The following SLC6A17 variants were observed in gnomAD, a reference collection of about 807,000 sequenced individuals.
SLC6A17 encodes the protein sodium-dependent neutral amino acid transporter SLC6A17.
A neutral mutation model predicts 64.5 loss-of-function variants in SLC6A17; 21 were observed. That is an observed-to-expected ratio of 0.33 (90% CI 0.23 to 0.47). The LOEUF (loss-of-function observed/expected upper bound fraction) is 0.47. Among genes scored for constraint, SLC6A17 ranks in the 20% least tolerant of loss-of-function variants. SLC6A17 has a pLI of 1.00. For missense variants in SLC6A17, 682 were observed against 963.2 expected, an observed-to-expected ratio of 0.71 and a Z score of 3.86; for synonymous variants, 372 against 399.5, an observed-to-expected ratio of 0.93 and a Z score of 0.82.
intron 6 of SLC6A17, among the ~76,000 whole-genome samples, chr1:110,191,310 G>A (rs1224962451): frequency 4.6e-5 from 7 of 152,178 alleles, no homozygotes; most frequent in African/African-American, 1.7e-4. Flanking sequence ...GTTGGAAAGG[G>A]GCTTTGGAAA....
Position 110,176,730 on chromosome 1 carries a change from C to G in SLC6A17, c.855C>G (p.Phe285Leu). 6.2e-7 allele frequency: 1 copy of G among 1,613,444 alleles called. No individual in the cohort carries two copies. Among genetic ancestry groups the G allele is most frequent in the Non-Finnish European group, 8.5e-7 (1 of 1,179,590 alleles). The change falls in exon 6 of 12, where the codon TTC becomes TTG. Residue 285 changes from phenylalanine (F) to leucine (L), a missense_variant. Physicochemically the swap from Phe to Leu is conservative, Grantham distance 22 (BLOSUM62 0). Coordinates refer to ENST00000331565, the MANE Select transcript of SLC6A17 (RefSeq NM_001010898.4). ...RGAVDGILHM[F>L]TPKLDKMLDP... ...CAGTTGATGGCATCCTACACATGTT[C>G]ACTCCCAAGGTAAGGGTTTGGGGCT...
rs1337315304 is a variant in SLC6A17, at chr1:110,200,782, T to C, written c.*2338T>C. The C allele has an allele frequency of 2.0e-5, 3 of 152,614 alleles. No individual in the cohort carries two copies. The highest frequency in any genetic ancestry group is 7.2e-5 in the African/African-American group (3 of 41,410). 9.5% of individuals were successfully genotyped at this position (152,614 alleles called of 1,614,324 possible). ...TAGGGCCTAGAGCTCGGGGTGTGTG[T>C]GTGCGTGCTGTGTGTATGGTGTGCA... On this transcript the variant is annotated 3_prime_UTR_variant, in exon 12 of 12. Coordinates refer to ENST00000331565, the MANE Select transcript of SLC6A17 (RefSeq NM_001010898.4).
At chr1:110,184,022 C>G (rs1203004418) in intron 6 of SLC6A17, among the ~76,000 whole-genome samples, 2 of 152,106 alleles carry the variant, frequency 1.3e-5, no homozygotes, top group African/African-American at 4.8e-5. Flanking sequence ...TTCCGCAACT[C>G]CAAGATAGAC....
intron 3 of SLC6A17, 54 bp from the exon 4 acceptor site, chr1:110,173,919 G>T: frequency 6.4e-7 from 1 of 1,567,634 alleles, no homozygotes. Flanking sequence ...GGAGCGTGGG[G>T]GCAGGGTGGA....
intron 1 of SLC6A17, among the ~76,000 whole-genome samples, chr1:110,164,622 G>A (rs1029793058): frequency 2.0e-5 from 3 of 152,226 alleles, no homozygotes; most frequent in African/African-American, 7.2e-5. Context: ...CCTCAGTGCG[G>A]GATGCGCATG....
intron 3 of SLC6A17, among the ~76,000 whole-genome samples, chr1:110,172,770 G>A (rs1330842461): frequency 6.6e-6 from 1 of 152,232 alleles, no homozygotes; most frequent in Non-Finnish European, 1.5e-5. Context: ...GAGACAGGGA[G>A]ACGCCAGTGG....
chr1:110,201,651 C>G lies in SLC6A17; in HGVS notation c.*3207C>G, dbSNP rs886743734. 1 of 152,386 alleles carries G rather than the reference C, an allele frequency of 6.6e-6. No homozygotes were observed. The highest frequency in any genetic ancestry group is 1.5e-5 in the Non-Finnish European group (1 of 68,216). 9.4% of individuals were successfully genotyped at this position (152,386 alleles called of 1,614,324 possible). On this transcript the variant is annotated 3_prime_UTR_variant, in exon 12 of 12. Transcript: ENST00000331565. ...TCCAGCAATACATGTGCAGGGGTTG[C>G]TGCTTTCCCAGTGCCAGGAGAACCC... is the stretch of plus-strand genomic sequence containing the variant.
rs994002772 is a variant in SLC6A17 at position 110,174,796 on chromosome 1, G to A, written c.589G>A (p.Glu197Lys). ...GSVAVVEAEC[E>K]KSSATTYFWY... ...TATTTCAGTGGTGGAGGCAGAGTGT[G>A]AAAAGAGCTCAGCCACTACCTACTT... The change falls in exon 5 of 12, where the codon GAA (glutamate) becomes AAA (lysine). Residue 197 changes from glutamate (E) to lysine (K), a missense_variant. This residue lies in a region of SLC6A17 where 415 missense variants were observed against 603.8 expected (regional missense o/e 0.69). Coordinates refer to ENST00000331565, the MANE Select transcript of SLC6A17 (RefSeq NM_001010898.4). The A allele has an allele frequency of 1.2e-6, 2 of 1,613,988 alleles. No individual in the cohort carries two copies. Among genetic ancestry groups the A allele is most frequent in the Non-Finnish European group, 1.7e-6 (2 of 1,179,984 alleles).
At chr1:110,171,740 T>C (rs1425312907) in intron 2 of SLC6A17, among the ~76,000 whole-genome samples, 1 of 152,032 alleles carries the variant, frequency 6.6e-6, no homozygotes, top group East Asian at 1.9e-4. Flanking sequence ...GTCTGCTGCG[T>C]GTGGCTTGAC....
intron 2 of SLC6A17, among the ~76,000 whole-genome samples, chr1:110,168,939 C>T (rs1417029420): frequency 6.6e-6 from 1 of 152,234 alleles, no homozygotes; most frequent in Admixed American, 6.5e-5. Flanking sequence ...GCTTTCCATT[C>T]CACATTCCTG....
intron 6 of SLC6A17, among the ~76,000 whole-genome samples, chr1:110,179,679 G>A (rs918376103): frequency 3.0e-4 from 45 of 151,772 alleles, no homozygotes; most frequent in Admixed American, 5.2e-4. Context: ...TCAGCCTCCC[G>A]AGTAGCTGGG....
At chr1:110,163,849 T>G (rs918690064) in intron 1 of SLC6A17, among the ~76,000 whole-genome samples, 31 of 152,184 alleles carry the variant, frequency 2.0e-4, no homozygotes, top group Admixed American at 6.5e-4. Context: ...CAATGCTCTT[T>G]CCTGTCATTC....
At chr1:110,176,110 G>A (rs1020879746) in intron 5 of SLC6A17, among the ~76,000 whole-genome samples, 11 of 152,134 alleles carry the variant, frequency 7.2e-5, no homozygotes, top group Non-Finnish European at 1.5e-4. Context: ...TACCACGCAC[G>A]CAGGGATATA....
At chr1:110,157,684 C>G (rs778920068) in intron 1 of SLC6A17, among the ~76,000 whole-genome samples, 6 of 152,180 alleles carry the variant, frequency 3.9e-5, no homozygotes, top group Non-Finnish European at 8.8e-5. Flanking sequence ...AAAGAAAACC[C>G]CAACTCCTTT....
At position 110,173,975 on chromosome 1, in the gene SLC6A17, C is replaced by T. The variant is rs1375051471; in HGVS notation, c.447C>T (p.Val149=). 2.5e-6 allele frequency: 4 copies of T among 1,613,622 alleles called. No homozygotes were observed. The Admixed American group carries it at 5.0e-5, about 20-fold the overall frequency. ...LGGIGFSSCI[V]CLFVGLYYNV... ...CCCCGCAGTGGGCTTGTCCCCAGGT[C>T]TGTCTCTTTGTGGGGCTGTATTATA... is the stretch of plus-strand genomic sequence containing the variant. Residue 149 remains valine (V), a splice_region_variant and synonymous_variant, in exon 4 of 12, where the codon GTC becomes GTT. Transcript: ENST00000331565.
At chr1:110,180,434 A>G (rs1169233159) in intron 6 of SLC6A17, among the ~76,000 whole-genome samples, 1 of 152,084 alleles carries the variant, frequency 6.6e-6, no homozygotes, top group Non-Finnish European at 1.5e-5. Context: ...CTTACACCCC[A>G]TGGTTGAGCT....
chr1:110,173,153 G>A (rs571485771), intron 3 of SLC6A17, among the ~76,000 whole-genome samples: 1 of 152,372 alleles, frequency 6.6e-6, no homozygotes, highest in Admixed American at 6.5e-5. Context: ...AAGAACCCAA[G>A]TAAAAGAAGT....
intron 1 of SLC6A17, among the ~76,000 whole-genome samples, chr1:110,163,757 C>T (rs916844063): frequency 2.6e-5 from 4 of 152,162 alleles, no homozygotes; most frequent in Admixed American, 1.3e-4. Flanking sequence ...CATTCTGCCC[C>T]GGGGCTCTGG....
chr1:110,181,145 A>G (rs1656513254), intron 6 of SLC6A17, among the ~76,000 whole-genome samples: 1 of 152,224 alleles, frequency 6.6e-6, no homozygotes, highest in Admixed American at 6.5e-5. Context: ...CTTTCCATGT[A>G]GGTAAAAACC....
Sources: allele counts gnomAD v4.1 joint callset (sites outside exome capture counted in the v4.1 genomes callset), GRCh38; gene constraint gnomAD v4.1.1; regional missense constraint gnomAD v4.1.1; transcripts MANE v1.5; gene names NCBI Gene and HGNC (gene_info 2026-07-23, HGNC 2026-07-21).